Variants in NRXN3 observed in about 807,000 individuals in gnomAD.
NRXN3 encodes the protein neurexin III.
NRXN3 carries 32 observed loss-of-function variants against 137.6 expected under a neutral mutation model. That is an observed-to-expected ratio of 0.23 (90% confidence interval 0.18 to 0.31). NRXN3 has a LOEUF of 0.31. Ranked by LOEUF, NRXN3 falls within the 10% of genes least tolerant of loss-of-function variation. The pLI is 1.00. For missense variants in NRXN3, 1,574 were observed against 2,062.5 expected (o/e 0.76, Z 4.59); for synonymous variants, 798 against 784.5 (o/e 1.02, Z -0.29).
At chr14:78,328,454 A>C (rs2080378550) in intron 4 of NRXN3, among the ~76,000 whole-genome samples, 1 of 152,190 alleles carries the variant, frequency 6.6e-6, no homozygotes, top group Admixed American at 6.5e-5. Flanking sequence ...GACGCAATAG[A>C]ATTCAATTGA....
intron 16 of NRXN3, among the ~76,000 whole-genome samples, chr14:79,548,747 T>TAA (rs35900297): frequency 7.0e-6 from 1 of 141,894 alleles, no homozygotes; most frequent in Admixed American, 7.0e-5. Context: ...ATTTAAAGAT[T>TAA]AAAAAAAAAA....
chr14:79,606,068 T>A (rs1349387926), intron 16 of NRXN3, among the ~76,000 whole-genome samples: 1 of 152,176 alleles, frequency 6.6e-6, no homozygotes, highest in Non-Finnish European at 1.5e-5. Flanking sequence ...AATGAGGCTC[T>A]CTTTGTTTGA....
chr14:79,551,917 C>G (rs2097376475), intron 16 of NRXN3, among the ~76,000 whole-genome samples: 1 of 152,162 alleles, frequency 6.6e-6, no homozygotes, highest in Admixed American at 6.5e-5. Flanking sequence ...GTCTGGTTTC[C>G]TGTGACATCC....
intron 4 of NRXN3, among the ~76,000 whole-genome samples, chr14:78,408,420 G>A (rs1000218029): frequency 3.3e-5 from 5 of 152,200 alleles, no homozygotes; most frequent in Non-Finnish European, 7.3e-5. Context: ...ACATTGCATG[G>A]AACTAGGGAG....
intron 16 of NRXN3, among the ~76,000 whole-genome samples, chr14:79,630,939 A>ATAATACGTCT (rs1166471664): frequency 6.6e-6 from 1 of 152,224 alleles, no homozygotes; most frequent in African/African-American, 2.4e-5. Flanking sequence ...CAAGCTCTGC[A>ATAATACGTCT]TAATACGTCT....
chr14:78,686,256 T>A (rs527377666), intron 6 of NRXN3, among the ~76,000 whole-genome samples: 1 of 152,336 alleles, frequency 6.6e-6, no homozygotes, highest in Admixed American at 6.5e-5. Context: ...AATGAGTGGA[T>A]CGATAAATGA....
chr14:78,699,826 T>A (rs984889550), intron 6 of NRXN3, among the ~76,000 whole-genome samples: 1 of 152,196 alleles, frequency 6.6e-6, no homozygotes, highest in African/African-American at 2.4e-5. Flanking sequence ...GTTTAGTGCC[T>A]AAGAAAATGC....
Position 78,645,434 on chromosome 14 carries a change from G to T in NRXN3, c.1059+13G>T. On this transcript the variant is annotated intron_variant, in intron 5 of 20. Coordinates refer to ENST00000335750, the MANE Select transcript of NRXN3 (RefSeq NM_001330195.2). ...CAACCTCCGGCAGGTAATGGCTGAG[G>T]GGAGAGAATTCCTGGAAGGCTCATC... 1 of 1,558,602 alleles carries T rather than the reference G, an allele frequency of 6.4e-7. No homozygotes were observed. Among genetic ancestry groups the T allele is most frequent in the South Asian group, 1.2e-5 (1 of 83,696 alleles).
At chr14:78,430,329 A>G (rs2093830421) in intron 4 of NRXN3, among the ~76,000 whole-genome samples, 1 of 152,226 alleles carries the variant, frequency 6.6e-6, no homozygotes, top group Non-Finnish European at 1.5e-5. Context: ...GGAGCAATCC[A>G]TCCATCTGTG....
At chr14:78,535,662 G>A (rs1322531669) in intron 4 of NRXN3, among the ~76,000 whole-genome samples, 2 of 152,190 alleles carry the variant, frequency 1.3e-5, no homozygotes, top group Non-Finnish European at 2.9e-5. Context: ...ATATGATGTA[G>A]TTGAAAGAGG....
At chr14:78,500,406 C>G (rs374168908) in intron 4 of NRXN3, among the ~76,000 whole-genome samples, 10 of 152,266 alleles carry the variant, frequency 6.6e-5, no homozygotes, top group African/African-American at 2.2e-4. Flanking sequence ...CTCAGCTTCT[C>G]TGTTAAATGG....
intron 15 of NRXN3, among the ~76,000 whole-genome samples, chr14:79,147,412 C>A (rs1335697044): frequency 6.6e-6 from 1 of 152,058 alleles, no homozygotes; most frequent in Admixed American, 6.6e-5. Flanking sequence ...GGAAGTAGCG[C>A]CTTGTAGATC....
chr14:79,275,466 T>G (rs932179268), intron 15 of NRXN3, among the ~76,000 whole-genome samples: 1 of 152,154 alleles, frequency 6.6e-6, no homozygotes, highest in East Asian at 1.9e-4. Context: ...GGCAGCAAAG[T>G]GGCAAGTCAG....
chr14:78,588,990 C>G (rs1028552714), intron 4 of NRXN3, among the ~76,000 whole-genome samples: 3 of 152,202 alleles, frequency 2.0e-5, no homozygotes, highest in Non-Finnish European at 2.9e-5. Context: ...GTGGAAGACA[C>G]AATAGTATGT....
chr14:79,674,174 C>T (rs1330962674), intron 17 of NRXN3, among the ~76,000 whole-genome samples: 1 of 152,010 alleles, frequency 6.6e-6, no homozygotes, highest in East Asian at 1.9e-4. Context: ...AAGCTCTGCT[C>T]CCCTACCTAG....
At chr14:78,482,238 C>T (rs17107729) in intron 4 of NRXN3, among the ~76,000 whole-genome samples, 5,683 of 152,240 alleles carry the variant, frequency 0.037, 301 homozygotes, top group East Asian at 0.31. Context: ...GATCAGGAAA[C>T]GGAGGCTATT....
chr14:78,667,359 T>A (rs377454270), intron 6 of NRXN3, among the ~76,000 whole-genome samples: 2 of 152,208 alleles, frequency 1.3e-5, no homozygotes, highest in Non-Finnish European at 1.5e-5. Flanking sequence ...AGCCTTTAGC[T>A]GAATCTGTTT....
intron 4 of NRXN3, among the ~76,000 whole-genome samples, chr14:78,555,313 T>C (rs1168173463): frequency 6.6e-6 from 1 of 152,192 alleles, no homozygotes. Context: ...AAGATTATCC[T>C]TTAATAAATG....
chr14:79,375,187 T>C (rs752856146), intron 15 of NRXN3, among the ~76,000 whole-genome samples: 11 of 151,852 alleles, frequency 7.2e-5, no homozygotes, highest in Non-Finnish European at 1.2e-4. Flanking sequence ...CCTCCAGTTA[T>C]ATAGTCATTT....
Sources: gnomAD v4.1 joint callset for allele counts (sites outside exome capture counted in the v4.1 genomes callset) on GRCh38, gnomAD v4.1.1 for gene constraint, MANE v1.5 for transcripts, NCBI Gene and HGNC (gene_info 2026-07-23, HGNC 2026-07-21) for gene names.